Variants in MET observed in about 807,000 individuals in gnomAD.
The protein encoded by MET is MET proto-oncogene, receptor tyrosine kinase, also known as hepatocyte growth factor receptor.
A neutral mutation model predicts 133.1 loss-of-function variants in MET; 48 were observed. That is an observed-to-expected ratio of 0.36 (90% CI 0.29 to 0.46). The LOEUF (loss-of-function observed/expected upper bound fraction) is 0.46. MET is among the 20% of genes least tolerant of loss of function. MET has a pLI of 1.00. For missense variants in MET, 1,442 were observed against 1,695.9 expected, an observed-to-expected ratio of 0.85 and a Z score of 2.63; for synonymous variants, 628 against 616.5, an observed-to-expected ratio of 1.02 and a Z score of -0.28.
chr7:116,676,598 A>G (rs1796167658), intron 1 of MET, among the ~76,000 whole-genome samples: 2 of 152,314 alleles, frequency 1.3e-5, no homozygotes, highest in South Asian at 4.1e-4. Flanking sequence ...TAAAATGGAA[A>G]AGAGAATAGT....
At chr7:116,735,447 T>G (rs992318612) in intron 3 of MET, among the ~76,000 whole-genome samples, 3 of 152,188 alleles carry the variant, frequency 2.0e-5, no homozygotes, top group African/African-American at 4.8e-5. Context: ...TAAGAAAAAT[T>G]TGTTTATCTG....
intron 10 of MET, among the ~76,000 whole-genome samples, chr7:116,761,160 A>G (rs1403156551): frequency 6.6e-6 from 1 of 152,150 alleles, no homozygotes; most frequent in East Asian, 1.9e-4. Context: ...TATTTATTAA[A>G]AACTTTTTAG....
intron 11 of MET, among the ~76,000 whole-genome samples, chr7:116,766,834 G>A (rs550476990): frequency 6.6e-6 from 1 of 152,026 alleles, no homozygotes; most frequent in African/African-American, 2.4e-5. Context: ...TAGTAGTAAA[G>A]GTCCCCAACT....
intron 1 of MET, among the ~76,000 whole-genome samples, chr7:116,679,901 C>T (rs1183993896): frequency 6.6e-6 from 1 of 152,208 alleles, no homozygotes; most frequent in African/African-American, 2.4e-5. Flanking sequence ...GCAGCTCCTT[C>T]TCTCTTAAAG....
chr7:116,786,733 C>A (rs528060896), intron 19 of MET, among the ~76,000 whole-genome samples: 17 of 152,208 alleles, frequency 1.1e-4, no homozygotes, highest in African/African-American at 4.1e-4. Flanking sequence ...ATGTTTCAGT[C>A]CTTAAGGATG....
At position 116,755,439 on chromosome 7, in the gene MET, T is replaced by A. The variant is rs879254332; in HGVS notation, c.1786T>A (p.Phe596Ile). 2 of 1,614,138 alleles carry A rather than the reference T, an allele frequency of 1.2e-6. No individual in the cohort carries two copies. The highest frequency in any genetic ancestry group is 2.7e-5 in the African/African-American group (2 of 75,050). ...WDFGFRRNNK[F>I]DLKKTRVLLG... ...CTTTGGATTTCGGAGGAATAATAAA[T>A]TTGATTTAAAGAAAACTAGAGTTCT... Residue 596 changes from phenylalanine (F) to isoleucine (I), a missense_variant, in exon 6 of 21, where the codon TTT (phenylalanine) becomes ATT (isoleucine). Phe to Ile is a conservative substitution (Grantham distance 21). Around this residue, in one of 6 missense-constraint regions of MET, gnomAD observed 762 missense variants for 792.4 expected, o/e 0.96. Coordinates refer to ENST00000397752, the MANE Select transcript of MET (RefSeq NM_000245.4).
Position 116,731,660 on chromosome 7 carries a change from T to C in MET, c.1201-8T>C. 3 of 1,614,006 alleles carry C rather than the reference T, an allele frequency of 1.9e-6. No individual in the cohort carries two copies. The South Asian group carries it at 3.3e-5, about 18-fold the overall frequency. ...TCACATTAACTCTATGACCATATTT[T>C]ATTCCAGACACTTCTGAGAAATTCA... On this transcript the variant is annotated splice_polypyrimidine_tract_variant and splice_region_variant and intron_variant, in intron 2 of 20. Coordinates refer to ENST00000397752, the MANE Select transcript of MET (RefSeq NM_000245.4).
chr7:116,780,210 G>A (rs963809486), intron 17 of MET, among the ~76,000 whole-genome samples: 1 of 152,090 alleles, frequency 6.6e-6, no homozygotes, highest in African/African-American at 2.4e-5. Context: ...GCCAGGACCA[G>A]GGAGGGTGGG....
At chr7:116,767,368 A>G (rs1299248664) in intron 11 of MET, among the ~76,000 whole-genome samples, 1 of 152,138 alleles carries the variant, frequency 6.6e-6, no homozygotes, top group Non-Finnish European at 1.5e-5. Flanking sequence ...TTTGAAATGG[A>G]TCCATTTTGA....
chr7:116,754,152 TAATGAATG>T (rs574292626), intron 5 of MET, among the ~76,000 whole-genome samples: 12 of 151,876 alleles, frequency 7.9e-5, no homozygotes, highest in South Asian at 2.1e-4. Flanking sequence ...AATAAGTAAA[TAATGAATG>T]AATGAATGAA....
intron 19 of MET, 33 bp from the exon 20 acceptor site, chr7:116,795,622 T>C: frequency 1.2e-6 from 2 of 1,612,780 alleles, no homozygotes; most frequent in Non-Finnish European, 1.7e-6. Context: ...GTCACATCTC[T>C]CACCTCATCT....
intron 19 of MET, among the ~76,000 whole-genome samples, chr7:116,793,589 CT>C (rs1795581138): frequency 6.6e-6 from 1 of 152,022 alleles, no homozygotes; most frequent in Non-Finnish European, 1.5e-5. Context: ...AACTATTATA[CT>C]TTATGGTTTA....
chr7:116,718,802 T>A (rs1448965564), intron 2 of MET, among the ~76,000 whole-genome samples: 1 of 148,756 alleles, frequency 6.7e-6, no homozygotes, highest in Non-Finnish European at 1.5e-5. Flanking sequence ...TTCATCCATG[T>A]CCCTACAAAG....
rs752641437 is a variant in MET, at chr7:116,775,073, G to A, written c.3221G>A (p.Ser1074Asn). ...QAVQHVVIGP[S>N]SLIVHFNEVI... is the part of the protein sequence containing the mutation. Reference sequence around the variant, plus strand: ...GTGCAGCATGTAGTGATTGGGCCCAGTAGCCTGATTGTGCATTTCAATGAA... The same window carrying A: ...GTGCAGCATGTAGTGATTGGGCCCAATAGCCTGATTGTGCATTTCAATGAA... Residue 1074 changes from serine to asparagine, a missense_variant, in exon 15 of 21, where the codon AGT becomes AAT. This residue lies in a region of MET where 514 missense variants were observed against 659.6 expected (regional missense o/e 0.78). Coordinates refer to ENST00000397752, the MANE Select transcript of MET (RefSeq NM_000245.4). The A allele has an allele frequency of 2.5e-5, 41 of 1,614,040 alleles. 1 individual carries two copies. The highest frequency in any genetic ancestry group is 3.4e-5 in the Non-Finnish European group (40 of 1,180,006).
At chr7:116,728,344 T>G (rs1043866412) in intron 2 of MET, among the ~76,000 whole-genome samples, 1 of 152,202 alleles carries the variant, frequency 6.6e-6, no homozygotes, top group Non-Finnish European at 1.5e-5. Context: ...TATTAGTTCT[T>G]GAGGAGATAC....
At chr7:116,727,170 G>A (rs1462261092) in intron 2 of MET, among the ~76,000 whole-genome samples, 2 of 152,180 alleles carry the variant, frequency 1.3e-5, no homozygotes, top group African/African-American at 2.4e-5. Flanking sequence ...CAGCCTTAAA[G>A]TCAGGGACTT....
chr7:116,768,273 A>C (rs1482946975), intron 11 of MET, among the ~76,000 whole-genome samples: 1 of 152,134 alleles, frequency 6.6e-6, no homozygotes, highest in Non-Finnish European at 1.5e-5. Context: ...CACATTTTAG[A>C]CCTTTTCTCA....
chr7:116,674,313 T>C (rs1796077525), intron 1 of MET, among the ~76,000 whole-genome samples: 2 of 152,212 alleles, frequency 1.3e-5, no homozygotes, highest in Admixed American at 1.3e-4. Context: ...TCACTACTTT[T>C]AAACCTATAA....
At chr7:116,784,838 A>G (rs1562936663) in intron 19 of MET, among the ~76,000 whole-genome samples, 1 of 152,190 alleles carries the variant, frequency 6.6e-6, no homozygotes, top group African/African-American at 2.4e-5. Flanking sequence ...TCAGCTAAAA[A>G]GTCCAAGTCC....
Sources: gnomAD v4.1 joint callset for allele counts (sites outside exome capture counted in the v4.1 genomes callset) on GRCh38, gnomAD v4.1.1 for gene constraint, gnomAD v4.1.1 regional missense constraint, MANE v1.5 for transcripts, NCBI Gene and HGNC (gene_info 2026-07-23, HGNC 2026-07-21) for gene names.